The following PLXDC2 variants were observed in gnomAD, a reference collection of about 807,000 sequenced individuals.
The protein encoded by PLXDC2 is plexin domain containing 2, also known as plexin domain-containing protein 2.
A neutral mutation model predicts 68.9 loss-of-function variants in PLXDC2; 40 were observed. The observed-to-expected ratio is 0.58, with a 90% CI of 0.45 to 0.76. The LOEUF is 0.76. PLXDC2 is among the 30% of genes least tolerant of loss of function. The probability of loss-of-function intolerance (pLI) is 0.00; values close to 1 mark genes in which losing one functional copy is unlikely to be tolerated. For synonymous variants in PLXDC2, 243 were observed against 234.2 expected (o/e 1.04, Z -0.34); for missense variants, 644 against 661.9 (o/e 0.97, Z 0.30).
intron 4 of PLXDC2, among the ~76,000 whole-genome samples, chr10:20,131,464 A>G (rs1833867158): frequency 6.6e-6 from 1 of 152,020 alleles, no homozygotes; most frequent in African/African-American, 2.4e-5. Flanking sequence ...CAATGGTGCA[A>G]TCTCAGTGCA....
At chr10:20,086,699 C>T (rs1046908825) in intron 4 of PLXDC2, among the ~76,000 whole-genome samples, 3 of 152,010 alleles carry the variant, frequency 2.0e-5, no homozygotes, top group Non-Finnish European at 2.9e-5. Context: ...TCCTCCCCTT[C>T]GAGAACAGGA....
chr10:19,947,707 C>CTTTTTTTTTT (rs34439585), intron 1 of PLXDC2, among the ~76,000 whole-genome samples: 1 of 120,974 alleles, frequency 8.3e-6, no homozygotes, highest in African/African-American at 3.0e-5. Context: ...TTCTTTCTTT[C>CTTTTTTTTTT]TTTTTTTTTT....
rs554661661 is a variant in PLXDC2, at chr10:19,936,477, A to G, written c.113-65298A>G. On this transcript the variant is annotated intron_variant, in intron 1 of 13. Coordinates refer to ENST00000377252, the MANE Select transcript of PLXDC2 (RefSeq NM_032812.9). ...AATAAATGGGCATGGCTGTGTTCCA[A>G]TAAAGCTTTATTTACAAAAACAGGT... 1.6e-3 allele frequency among the ~76,000 whole-genome samples: 247 copies of G among 152,330 alleles called. 1 individual carries two copies. Among genetic ancestry groups the G allele is most frequent in the African/African-American group, 5.8e-3 (242 of 41,572 alleles).
intron 1 of PLXDC2, among the ~76,000 whole-genome samples, chr10:19,818,824 T>C (rs1174759092): frequency 6.6e-6 from 1 of 152,164 alleles, no homozygotes; most frequent in Non-Finnish European, 1.5e-5. Flanking sequence ...TATGAATAGA[T>C]GCTTAATAAA....
At chr10:20,109,384 C>T (rs569096611) in intron 4 of PLXDC2, among the ~76,000 whole-genome samples, 497 of 152,208 alleles carry the variant, frequency 3.3e-3, no homozygotes, top group Non-Finnish European at 5.1e-3. Flanking sequence ...TTAAATGTTT[C>T]CATACAAATT....
At chr10:20,125,148 C>A (rs1833755270) in intron 4 of PLXDC2, among the ~76,000 whole-genome samples, 1 of 152,016 alleles carries the variant, frequency 6.6e-6, no homozygotes. Flanking sequence ...TGACAATCAA[C>A]CCCCTACCCA....
At chr10:20,175,348 A>C (rs915250657) in intron 7 of PLXDC2, among the ~76,000 whole-genome samples, 2 of 152,206 alleles carry the variant, frequency 1.3e-5, no homozygotes, top group African/African-American at 4.8e-5. Context: ...TCCTCACAGC[A>C]AAACTGTGGT....
intron 1 of PLXDC2, among the ~76,000 whole-genome samples, chr10:19,882,451 AAGAG>A (rs1837745778): frequency 6.6e-6 from 1 of 152,180 alleles, no homozygotes; most frequent in Admixed American, 6.5e-5. Context: ...AAAGCAAAGG[AAGAG>A]GTTAGTGAAG....
chr10:19,949,647 T>G (rs1833962393), intron 1 of PLXDC2, among the ~76,000 whole-genome samples: 1 of 152,230 alleles, frequency 6.6e-6, no homozygotes, highest in Non-Finnish European at 1.5e-5. Context: ...GCTGTGTGAA[T>G]ATGTAATACA....
chr10:19,873,542 T>C (rs1334490262), intron 1 of PLXDC2, among the ~76,000 whole-genome samples: 1 of 151,844 alleles, frequency 6.6e-6, no homozygotes, highest in Non-Finnish European at 1.5e-5. Context: ...TCCTCTACCT[T>C]TGGAGTAGCT....
intron 4 of PLXDC2, among the ~76,000 whole-genome samples, chr10:20,114,984 C>G (rs1349728916): frequency 6.6e-6 from 1 of 152,218 alleles, no homozygotes; most frequent in African/African-American, 2.4e-5. Flanking sequence ...TAAAAGCTAG[C>G]TCATCCAACC....
chr10:19,986,601 T>C (rs1834645931), intron 1 of PLXDC2, among the ~76,000 whole-genome samples: 1 of 151,686 alleles, frequency 6.6e-6, no homozygotes, highest in African/African-American at 2.4e-5. Context: ...TGCCTGTCTG[T>C]TACCCAGCCA....
chr10:19,910,887 G>A (rs1833258306), intron 1 of PLXDC2, among the ~76,000 whole-genome samples: 2 of 152,048 alleles, frequency 1.3e-5, no homozygotes, highest in Non-Finnish European at 2.9e-5. Context: ...GCAGGTGCCT[G>A]TAATCCCAGT....
chr10:20,073,388 A>G (rs1297898191), intron 4 of PLXDC2, among the ~76,000 whole-genome samples: 4 of 152,216 alleles, frequency 2.6e-5, no homozygotes, highest in African/African-American at 4.8e-5. Context: ...TTAAAAATGG[A>G]AAGTTGTTTA....
chr10:19,951,630 C>T (rs1023684918), intron 1 of PLXDC2, among the ~76,000 whole-genome samples: 1 of 152,202 alleles, frequency 6.6e-6, no homozygotes, highest in African/African-American at 2.4e-5. Context: ...TCATTCTACC[C>T]AGCAATCCCA....
chr10:20,114,370 C>T (rs996558993), intron 4 of PLXDC2, among the ~76,000 whole-genome samples: 1 of 152,178 alleles, frequency 6.6e-6, no homozygotes, highest in Non-Finnish European at 1.5e-5. Flanking sequence ...TTTAAACATA[C>T]TAAGCAGTCA....
At chr10:19,921,118 T>C (rs1833455669) in intron 1 of PLXDC2, among the ~76,000 whole-genome samples, 1 of 150,130 alleles carries the variant, frequency 6.7e-6, no homozygotes, top group Non-Finnish European at 1.5e-5. Context: ...TCTTCTTTTT[T>C]TTTTTTTTTT....
intron 2 of PLXDC2, among the ~76,000 whole-genome samples, chr10:20,045,218 C>G (rs1321171655): frequency 1.3e-5 from 2 of 152,116 alleles, no homozygotes; most frequent in African/African-American, 4.8e-5. Context: ...GTCTCCCAGG[C>G]TGGAGTGCAG....
At chr10:19,898,270 G>T (rs574637928) in intron 1 of PLXDC2, among the ~76,000 whole-genome samples, 2 of 152,188 alleles carry the variant, frequency 1.3e-5, no homozygotes, top group South Asian at 4.1e-4. Flanking sequence ...GTGATGTTAA[G>T]GTTTAGAGTG....
Sources: gnomAD v4.1 joint callset for allele counts (sites outside exome capture counted in the v4.1 genomes callset) on GRCh38, gnomAD v4.1.1 for gene constraint, MANE v1.5 for transcripts, NCBI Gene and HGNC (gene_info 2026-07-23, HGNC 2026-07-21) for gene names.